The following CPT1C variants were observed in gnomAD, a reference collection of about 807,000 sequenced individuals.
CPT1C encodes the protein carnitine palmitoyltransferase 1C.
CPT1C carries 61 observed loss-of-function variants against 97.3 expected under a neutral mutation model. The observed-to-expected ratio is 0.63, with a 90% confidence interval of 0.51 to 0.78. The LOEUF (loss-of-function observed/expected upper bound fraction) is 0.78. Among genes scored for constraint, CPT1C ranks in the 30% least tolerant of loss-of-function variants. The pLI, the probability that CPT1C is intolerant of heterozygous loss-of-function variation, is 0.00. For synonymous variants in CPT1C, 469 were observed against 447.2 expected (o/e 1.05, Z -0.61); for missense variants, 975 against 1,065.5 (o/e 0.92, Z 1.18).
At position 49,711,855 on chromosome 19, in the gene CPT1C, A is replaced by G; in HGVS notation, c.1913A>G (p.Gln638Arg). 6.2e-7 allele frequency: 1 copy of G among 1,613,982 alleles called. No individual in the cohort carries two copies. The highest frequency in any genetic ancestry group is 8.5e-7 in the Non-Finnish European group (1 of 1,180,030). The change falls in exon 17 of 20, where the codon CAG (glutamine) becomes CGG (arginine). Residue 638 changes from glutamine to arginine, a missense_variant. This residue lies in a region of CPT1C where 344 missense variants were observed against 395.7 expected (regional missense o/e 0.87). Coordinates refer to ENST00000598293, the MANE Select transcript of CPT1C (RefSeq NM_001199753.2). The part of the protein sequence containing the change: ...ALFRVAVDKH[Q>R]ALLKAAMSGQ... ...TTCCGCGTGGCAGTGGACAAGCACC[A>G]GGCTCTGCTGAAGGCAGCCATGAGC...
chr19:49,705,039 G>A lies in CPT1C; in HGVS notation c.804G>A (p.Gln268=). 6.2e-7 allele frequency: 1 copy of A among 1,608,612 alleles called. No individual in the cohort carries two copies. The highest frequency in any genetic ancestry group is 2.2e-5 in the East Asian group (1 of 44,714). Residue 268 remains glutamine (Q), a synonymous_variant, in exon 9 of 20, where the codon CAG becomes CAA. Transcript: ENST00000598293. ...TGTATGTCACACCCACGCCTCTGCA[G>A]GCAGCTCGCGCTGGGAATGCCGTCC... ...DFLYVTPTPL[Q]AARAGNAVHA...
chr19:49,711,005 C>T, intron 16 of CPT1C, 148 bp downstream of exon 16: 1 of 757,214 alleles, frequency 1.3e-6, no homozygotes, highest in East Asian at 2.8e-5. Context: ...CTTCAAAGAG[C>T]TCACTGATGG....
intron 5 of CPT1C, among the ~76,000 whole-genome samples, chr19:49,701,110 C>CCCCCCTCTCTCGCTGGGTCTCTGT (rs2083016752): frequency 2.1e-5 from 1 of 47,704 alleles, no homozygotes; most frequent in African/African-American, 7.4e-5. Flanking sequence ...TGGGTCTCTG[C>CCCCCCTCTCTCGCTGGGTCTCTGT]CCCCCTCTCT....
rs1238764573 is a variant in CPT1C at position 49,700,868 on chromosome 19, C to T, written c.453+13C>T. 1.9e-6 allele frequency: 3 copies of T among 1,610,108 alleles called. No individual in the cohort carries two copies. The highest frequency in any genetic ancestry group is 2.5e-6 in the Non-Finnish European group (3 of 1,179,448). The stretch of plus-strand genomic sequence containing the variant: ...CAAGACCTGGCTGGTATGGGAGGGG[C>T]ATAGCCCTGCTCAGGCTCTCCTGGG... On this transcript the variant is annotated intron_variant, in intron 5 of 19. Transcript: ENST00000598293.
intron 7 of CPT1C, among the ~76,000 whole-genome samples, chr19:49,704,185 G>C (rs926460166): frequency 1.3e-5 from 2 of 151,034 alleles, no homozygotes; most frequent in African/African-American, 4.9e-5. Flanking sequence ...TTTCTTTTTT[G>C]GGGGGGACGG....
chr19:49,706,174 G>A lies in CPT1C; in HGVS notation c.1161-57G>A. Reference sequence around the variant, plus strand: ...GTGTCCTGAGACTGTGGAAGGGCAGGGTGGGGCCAGGTGGCGGCTGGGCAG... The same window carrying A: ...GTGTCCTGAGACTGTGGAAGGGCAGAGTGGGGCCAGGTGGCGGCTGGGCAG... On this transcript the variant is annotated intron_variant, in intron 11 of 19. Transcript: ENST00000598293. The surrounding 1 kb of genome is among the most constrained non-coding windows in gnomAD (Gnocchi z 4.8). 6.5e-7 allele frequency: 1 copy of A among 1,549,516 alleles called. No homozygotes were observed. Among genetic ancestry groups the A allele is most frequent in the Non-Finnish European group, 8.7e-7 (1 of 1,147,812 alleles).
intron 14 of CPT1C, 106 bp from the exon 15 acceptor site, chr19:49,710,214 C>A (rs937392310): frequency 1.8e-6 from 2 of 1,094,582 alleles, no homozygotes; most frequent in Non-Finnish European, 2.7e-6. Context: ...CCATATTCTG[C>A]CGCAACCTTA....
intron 3 of CPT1C, among the ~76,000 whole-genome samples, chr19:49,697,070 G>A (rs933832475): frequency 6.6e-6 from 1 of 152,148 alleles, no homozygotes; most frequent in Admixed American, 6.6e-5. Context: ...CCTCCAGGGA[G>A]CCCTCCCTGA....
In CPT1C at chr19:49,713,579, G is replaced by T. The variant is rs372205759; in HGVS notation, c.2386G>T (p.Ala796Ser). The T allele has an allele frequency of 3.7e-6, 6 of 1,612,622 alleles. No homozygotes were observed. The highest frequency in any genetic ancestry group is 5.1e-6 in the Non-Finnish European group (6 of 1,179,406). The change falls in exon 20 of 20, where the codon GCC becomes TCC. Residue 796 changes from alanine to serine, a missense_variant. This residue lies in a region of CPT1C where 344 missense variants were observed against 395.7 expected (regional missense o/e 0.87). Transcript: ENST00000598293. ...FLSRQTGASK[A>S]SMTSTDF is the part of the protein sequence containing the mutation. ...CTCCCGCCAGACTGGGGCCTCCAAGGCCTCAATGACATCCACCGACTTCTG... is the reference window on the plus strand; with the variant it reads ...CTCCCGCCAGACTGGGGCCTCCAAGTCCTCAATGACATCCACCGACTTCTG...
At chr19:49,711,250 T>A (rs1411755437) in intron 16 of CPT1C, 1 of 156,284 alleles carries the variant, frequency 6.4e-6, no homozygotes, top group East Asian at 1.9e-4. Flanking sequence ...CCCGCCACCA[T>A]GCCCAGCTAA....
Position 49,706,434 on chromosome 19 carries a change from G to A in CPT1C, c.1343+21G>A, listed in dbSNP as rs562832000. The stretch of plus-strand genomic sequence containing the variant: ...GATCGGTGAGTGAGTCTTGGGATGG[G>A]GCCCCCAGATGTGGCACCCGAGAAT... On this transcript the variant is annotated intron_variant, in intron 12 of 19. Coordinates refer to ENST00000598293, the MANE Select transcript of CPT1C (RefSeq NM_001199753.2). The surrounding 1 kb of genome is among the most constrained non-coding windows in gnomAD (Gnocchi z 4.8). 1.4e-6 allele frequency: 2 copies of A among 1,446,732 alleles called. No individual in the cohort carries two copies. Among genetic ancestry groups the A allele is most frequent in the Admixed American group, 3.2e-5 (1 of 31,128 alleles). 89.6% of individuals were successfully genotyped at this position (1,446,732 alleles called of 1,614,324 possible).
intron 17 of CPT1C, chr19:49,712,406 G>C (rs976954916): frequency 1.3e-4 from 50 of 379,310 alleles, no homozygotes; most frequent in African/African-American, 3.3e-4. Flanking sequence ...AGTCAGTTGT[G>C]GGGGGGCGGC....
chr19:49,698,210 A>C (rs1264430629), intron 4 of CPT1C, among the ~76,000 whole-genome samples: 1 of 149,192 alleles, frequency 6.7e-6, no homozygotes, highest in Non-Finnish European at 1.5e-5. Flanking sequence ...ACTAAAAATA[A>C]CAAAAAATTA....
chr19:49,699,695 C>T (rs1322327375), intron 4 of CPT1C, among the ~76,000 whole-genome samples: 2 of 152,268 alleles, frequency 1.3e-5, no homozygotes, highest in East Asian at 3.9e-4. Flanking sequence ...TGGCTCACAC[C>T]TGTTATCCCA....
At chr19:49,703,353 T>C (rs2083295881) in intron 7 of CPT1C, among the ~76,000 whole-genome samples, 1 of 150,048 alleles carries the variant, frequency 6.7e-6, no homozygotes, top group Non-Finnish European at 1.5e-5. Flanking sequence ...CTAATTTCTT[T>C]TTTTTTTTTT....
At chr19:49,701,826 A>T (rs1315595037) in intron 7 of CPT1C, among the ~76,000 whole-genome samples, 192 bp downstream of exon 7, 24 of 125,358 alleles carry the variant, frequency 1.9e-4, no homozygotes, top group East Asian at 1.0e-3. Flanking sequence ...TATATATATA[A>T]AAATATATAT....
rs1219994840 is a variant in CPT1C, at chr19:49,706,762, G to A, written c.1343+349G>A. Among the ~76,000 whole-genome samples the A allele has an allele frequency of 6.6e-6, 1 of 151,922 alleles. No homozygotes were observed. The highest frequency in any genetic ancestry group is 6.6e-5 in the Admixed American group (1 of 15,230). The stretch of plus-strand genomic sequence containing the variant: ...CCAAACCCAGGACCCCTAGGCCCAG[G>A]GACCCCAGACTTGGCAACCTCAGCC... On this transcript the variant is annotated intron_variant, in intron 12 of 19. Transcript: ENST00000598293. The surrounding 1 kb of genome is among the most constrained non-coding windows in gnomAD (Gnocchi z 4.8).
chr19:49,697,538 T>C, intron 4 of CPT1C, 73 bp downstream of exon 4: 1 of 1,517,466 alleles, frequency 6.6e-7, no homozygotes, highest in East Asian at 2.3e-5. Context: ...TCTGTCATTG[T>C]GGTGTACCTG....
intron 4 of CPT1C, among the ~76,000 whole-genome samples, chr19:49,700,257 CA>C (rs1328292002): frequency 3.7e-5 from 4 of 108,180 alleles, no homozygotes; most frequent in African/African-American, 1.7e-4. Context: ...AAAAACAAAA[CA>C]AAACAAAAAA....
Sources: gnomAD v4.1 joint callset for allele counts (sites outside exome capture counted in the v4.1 genomes callset) on GRCh38, gnomAD v4.1.1 for gene constraint, gnomAD v4.1.1 regional missense constraint, Gnocchi (gnomAD v3.1) non-coding constraint, MANE v1.5 for transcripts, NCBI Gene and HGNC (gene_info 2026-07-23, HGNC 2026-07-21) for gene names.